BSCL2: variants seen among roughly 807,000 people sequenced by gnomAD.
BSCL2 encodes the protein seipin.
In BSCL2, 41 loss-of-function variants were observed where a neutral mutation model predicts 57.4. The ratio of observed to expected loss-of-function variants is 0.71; its 90% CI spans 0.56 to 0.93. BSCL2 has a LOEUF of 0.93. Ranked by LOEUF, BSCL2 falls within the 40% of genes least tolerant of loss-of-function variation. BSCL2 has a pLI of 0.00. For missense variants in BSCL2, 539 were observed against 586.7 expected (o/e 0.92, Z 0.84); for synonymous variants, 237 against 227.3 (o/e 1.04, Z -0.38).
At chr11:62,706,292 G>T (rs1164725640) in intron 1 of BSCL2, 4 of 1,110,606 alleles carry the variant, frequency 3.6e-6, no homozygotes, top group African/African-American at 1.7e-5. Flanking sequence ...ACCGTGAGAC[G>T]GGACTTCCGG....
chr11:62,709,273 AGGGCCAATCAATGC>A (rs2083593477), upstream of BSCL2: 2 of 454,168 alleles, frequency 4.4e-6, no homozygotes, highest in Non-Finnish European at 4.4e-6. Flanking sequence ...CCCAGGGAAA[AGGGCCAATCAATGC>A]AGGCTAGACA....
intron 4 of BSCL2, 45 bp downstream of exon 4, chr11:62,694,501 AGCCCCCTACCCATTCTGATCCT>A (rs2134701993): frequency 1.2e-6 from 2 of 1,610,694 alleles, no homozygotes; most frequent in African/African-American, 2.7e-5. Context: ...CACCACACCC[AGCCCCCTACCCATTCTGATCCT>A]GCCATCTTCC....
intron 4 of BSCL2, among the ~76,000 whole-genome samples, chr11:62,693,244 CTGTACT>C (rs1945358115): frequency 6.6e-6 from 1 of 152,172 alleles, no homozygotes; most frequent in African/African-American, 2.4e-5. Flanking sequence ...TGGCTCACAC[CTGTACT>C]TGCAGCACTT....
Position 62,697,977 on chromosome 11 carries a change from G to A in BSCL2, c.487-3266C>T, listed in dbSNP as rs1365022566. On this transcript the variant is annotated intron_variant, in intron 3 of 10. Transcript: ENST00000360796. ...GGCTGGAGTGCAGTGGCGCAATCTC[G>A]GCTCACTGTAAGCTCTGCCTCCCGG... 2.7e-5 allele frequency among the ~76,000 whole-genome samples: 4 copies of A among 147,864 alleles called. 1 individual carries two copies. In the Middle Eastern group the frequency reaches 0.011, roughly 399 times the overall value.
intron 2 of BSCL2, among the ~76,000 whole-genome samples, chr11:62,704,862 T>G (rs528690056): frequency 6.6e-6 from 1 of 152,152 alleles, no homozygotes; most frequent in Admixed American, 6.6e-5. Context: ...ATCTTATGTT[T>G]CCATAATCTC....
chr11:62,707,588 A>G, upstream of BSCL2: 1 of 564,862 alleles, frequency 1.8e-6, no homozygotes, highest in Non-Finnish European at 3.2e-6. Flanking sequence ...GCAGTGAACT[A>G]GCGACAGTGG....
intron 2 of BSCL2, among the ~76,000 whole-genome samples, chr11:62,703,266 AG>A (rs1240029549): frequency 6.6e-6 from 1 of 152,064 alleles, no homozygotes; most frequent in African/African-American, 2.4e-5. Flanking sequence ...ATGGTTATTA[AG>A]AAGCTCATGA....
At chr11:62,693,461 G>A (rs192970711) in intron 4 of BSCL2, among the ~76,000 whole-genome samples, 7 of 152,184 alleles carry the variant, frequency 4.6e-5, no homozygotes, top group East Asian at 1.9e-4. Context: ...CCGAGATCAC[G>A]CCACTGCACT....
chr11:62,692,339 AAG>A (rs753110889), intron 6 of BSCL2, 35 bp downstream of exon 6: 3 of 1,602,018 alleles, frequency 1.9e-6, no homozygotes, highest in Non-Finnish European at 2.6e-6. Context: ...AGCCCCCGTG[AAG>A]AGTTGCCCAA....
chr11:62,708,777 G>T, upstream of BSCL2: 1 of 1,614,014 alleles, frequency 6.2e-7, no homozygotes, highest in Non-Finnish European at 8.5e-7. Context: ...CCCCTTCCGG[G>T]AGAAGAAGTT....
intron 3 of BSCL2, among the ~76,000 whole-genome samples, chr11:62,701,829 GAAAA>G (rs139041776): frequency 7.8e-4 from 95 of 121,026 alleles, no homozygotes; most frequent in African/African-American, 2.8e-3. Flanking sequence ...AGACTGTCTG[GAAAA>G]AAAAAAAAAA....
At chr11:62,707,930 G>A (rs562925571), upstream of BSCL2, 15 of 307,998 alleles carry the variant, frequency 4.9e-5, no homozygotes, top group Non-Finnish European at 8.7e-5. Context: ...GTAATGGCCT[G>A]TTTTTCTCCT....
chr11:62,699,136 C>T (rs1486536329), intron 3 of BSCL2, among the ~76,000 whole-genome samples: 1 of 151,914 alleles, frequency 6.6e-6, no homozygotes, highest in Non-Finnish European at 1.5e-5. Flanking sequence ...ATCTCTTGAC[C>T]TCATGATCCG....
At chr11:62,700,569 G>A (rs1372052238) in intron 3 of BSCL2, among the ~76,000 whole-genome samples, 1 of 151,898 alleles carries the variant, frequency 6.6e-6, no homozygotes, top group Non-Finnish European at 1.5e-5. Context: ...TGAACCCAGG[G>A]GGCAGAGGTT....
intron 2 of BSCL2, among the ~76,000 whole-genome samples, chr11:62,704,775 GT>G (rs1945766880): frequency 6.6e-6 from 1 of 152,096 alleles, no homozygotes; most frequent in African/African-American, 2.4e-5. Flanking sequence ...ACTTGGCAGG[GT>G]TTGTAAAATG....
At chr11:62,699,524 A>G (rs1031571515) in intron 3 of BSCL2, among the ~76,000 whole-genome samples, 1 of 152,064 alleles carries the variant, frequency 6.6e-6, no homozygotes, top group South Asian at 2.1e-4. Context: ...TAACCATAGA[A>G]GCAAACTGAA....
chr11:62,706,351 G>A, intron 1 of BSCL2: 2 of 1,096,064 alleles, frequency 1.8e-6, no homozygotes, highest in Non-Finnish European at 2.3e-6. Context: ...TGTAGCCGTG[G>A]GAGGCGGGGC....
At chr11:62,707,484 C>G, upstream of BSCL2, 2 of 656,230 alleles carry the variant, frequency 3.0e-6, no homozygotes, top group Non-Finnish European at 5.5e-6. Flanking sequence ...AGGCCCAGAC[C>G]ACGCCATTTG....
intron 4 of BSCL2, among the ~76,000 whole-genome samples, chr11:62,694,063 C>A (rs144698625): frequency 0.037 from 5,587 of 152,034 alleles, 339 homozygotes; most frequent in African/African-American, 0.13. Context: ...ATCTACCCGC[C>A]TCGGCCTCCC....
Sources: gnomAD v4.1 joint callset for allele counts (sites outside exome capture counted in the v4.1 genomes callset) on GRCh38, gnomAD v4.1.1 for gene constraint, MANE v1.5 for transcripts, NCBI Gene and HGNC (gene_info 2026-07-23, HGNC 2026-07-21) for gene names.